Variants in CALN1 observed in about 807,000 individuals in gnomAD.
The protein encoded by CALN1 is calneuron 1.
CALN1 carries 17 observed loss-of-function variants against 30.6 expected under a neutral mutation model. The ratio of observed to expected loss-of-function variants is 0.56; its 90% CI spans 0.38 to 0.83. CALN1 has a LOEUF of 0.83. Among genes scored for constraint, CALN1 ranks in the 40% least tolerant of loss-of-function variants. The pLI is 0.00. For synonymous variants in CALN1, 156 were observed against 131.4 expected, an observed-to-expected ratio of 1.19 and a Z score of -1.28; for missense variants, 291 against 354.9, an observed-to-expected ratio of 0.82 and a Z score of 1.45.
rs150253191 is a variant in CALN1, at chr7:71,784,891, C to A, written c.*2884G>T. ...AGCTTCATAGCCACCATGATGGGGA[C>A]ACTGACTGGCATGGGGCCCTAGCAT... On this transcript the variant is annotated 3_prime_UTR_variant, in exon 7 of 7. Coordinates refer to ENST00000395275, the MANE Select transcript of CALN1 (RefSeq NM_031468.4). 789 of 398,712 alleles carry A rather than the reference C, an allele frequency of 2.0e-3. 1 individual carries two copies. The highest frequency in any genetic ancestry group is 1.4e-3 in the Non-Finnish European group (312 of 226,164). 24.7% of individuals were successfully genotyped at this position (398,712 alleles called of 1,614,324 possible).
At chr7:72,426,056 T>G (rs1807791477) in intron 1 of CALN1, among the ~76,000 whole-genome samples, 1 of 152,238 alleles carries the variant, frequency 6.6e-6, no homozygotes, top group Non-Finnish European at 1.5e-5. Context: ...TGCTGGCACC[T>G]AGGCTTAGGC....
chr7:72,087,648 T>A (rs1037067765), intron 4 of CALN1, among the ~76,000 whole-genome samples: 1 of 152,026 alleles, frequency 6.6e-6, no homozygotes, highest in East Asian at 1.9e-4. Context: ...GACTACTCAC[T>A]GGAAAACCTC....
intron 2 of CALN1, among the ~76,000 whole-genome samples, chr7:72,345,411 A>AG (rs1482728808): frequency 1.5e-3 from 5 of 3,446 alleles, no homozygotes; most frequent in Non-Finnish European, 4.2e-3. Flanking sequence ...GGAAAGAAAG[A>AG]AGAGAAAGGA....
chr7:72,304,404 G>T (rs1267415300), intron 2 of CALN1, among the ~76,000 whole-genome samples: 1 of 152,068 alleles, frequency 6.6e-6, no homozygotes, highest in Non-Finnish European at 1.5e-5. Flanking sequence ...AGGTGTTCGG[G>T]GGCCAGGAAG....
intron 5 of CALN1, among the ~76,000 whole-genome samples, chr7:71,991,866 G>C (rs1032018734): frequency 6.6e-6 from 1 of 152,074 alleles, no homozygotes; most frequent in Admixed American, 6.6e-5. Flanking sequence ...TGATAATAAT[G>C]AGTTGTAAAA....
At chr7:71,904,999 C>T (rs542725991) in intron 5 of CALN1, among the ~76,000 whole-genome samples, 11 of 152,150 alleles carry the variant, frequency 7.2e-5, no homozygotes, top group Admixed American at 4.6e-4. Flanking sequence ...AGTGCAGTGG[C>T]GTGATCTCAG....
intron 3 of CALN1, among the ~76,000 whole-genome samples, chr7:72,107,004 T>G (rs571133582): frequency 5.5e-5 from 7 of 127,874 alleles, no homozygotes; most frequent in South Asian, 2.5e-4. Flanking sequence ...GAAAGAAAAA[T>G]AGAAAGAAAG....
chr7:72,041,407 A>C (rs1400114975), intron 4 of CALN1, among the ~76,000 whole-genome samples: 2 of 151,850 alleles, frequency 1.3e-5, no homozygotes, highest in Non-Finnish European at 2.9e-5. Flanking sequence ...TTTTTGAGAC[A>C]GCATCTGGCT....
rs376885108 is a variant in CALN1 at position 71,994,596 on chromosome 7, A to G, written c.501+29061T>C. Among the ~76,000 whole-genome samples, 6 of 151,908 alleles carry G rather than the reference A, an allele frequency of 3.9e-5. No homozygotes were observed. In the East Asian group the frequency reaches 1.2e-3, roughly 29 times the overall value. ...AGTAATACATGAGATTCGTTGCCTC[A>G]TGCTAAGGAAATTAAGGATACCAAC... On this transcript the variant is annotated intron_variant, in intron 5 of 6. Coordinates refer to ENST00000395275, the MANE Select transcript of CALN1 (RefSeq NM_031468.4).
intron 2 of CALN1, among the ~76,000 whole-genome samples, chr7:72,293,956 G>A (rs1348026875): frequency 6.6e-6 from 1 of 152,034 alleles, no homozygotes; most frequent in East Asian, 1.9e-4. Context: ...AAATTAGCCA[G>A]GCATCATGGT....
At chr7:71,788,734 T>A (rs2115846710) in intron 6 of CALN1, among the ~76,000 whole-genome samples, 1 of 152,110 alleles carries the variant, frequency 6.6e-6, no homozygotes, top group Non-Finnish European at 1.5e-5. Context: ...CTTGGCTCAC[T>A]ACAAGCTCCA....
the CALN1 span, among the ~76,000 whole-genome samples, chr7:72,503,118 C>G: frequency 6.6e-6 from 1 of 151,956 alleles, no homozygotes; most frequent in Non-Finnish European, 1.5e-5. Flanking sequence ...TGCACTCCAG[C>G]CTGGGCGACA....
chr7:71,837,731 A>C (rs1008142463), intron 5 of CALN1, among the ~76,000 whole-genome samples: 2 of 152,206 alleles, frequency 1.3e-5, no homozygotes, highest in Non-Finnish European at 2.9e-5. Flanking sequence ...GTTTCTGAGA[A>C]CTGAAACCAT....
rs1286894513 is a variant in CALN1, at chr7:72,397,710, T to TCACACACACACACACA, written c.119+5540_119+5541insTGTGTGTGTGTGTGTG. Among the ~76,000 whole-genome samples the TCACACACACACACACA allele has an allele frequency of 2.6e-3, 147 of 57,314 alleles. 1 individual carries two copies. The highest frequency in any genetic ancestry group is 7.7e-3 in the Admixed American group (40 of 5,194). 37.6% of individuals were successfully genotyped at this position (57,314 alleles called of 152,430 possible). On this transcript the variant is annotated intron_variant, in intron 2 of 6. Coordinates refer to ENST00000395275, the MANE Select transcript of CALN1 (RefSeq NM_031468.4). ...GGGGGATCTTGGAGAGCACCCATTC[T>TCACACACACACACACA]CTCTCACACACACACACACACACAC...
rs144599326 is a variant in CALN1, at chr7:72,432,877, C to T, written c.-226+14165G>A. Among the ~76,000 whole-genome samples, 913 of 152,234 alleles carry T rather than the reference C, an allele frequency of 6.0e-3. 4 individuals carry two copies. Among genetic ancestry groups the T allele is most frequent in the East Asian group, 0.017 (86 of 5,182 alleles). On this transcript the variant is annotated intron_variant, in intron 1 of 6. Coordinates refer to the CALN1 transcript ENST00000395276. ...AAATCGATCTGCCTCGGCAAAAAGA[C>T]GGTGCTAGTAAACTAACTAGATTTC...
At chr7:72,068,633 G>A (rs1193379819) in intron 4 of CALN1, among the ~76,000 whole-genome samples, 1 of 152,154 alleles carries the variant, frequency 6.6e-6, no homozygotes, top group Middle Eastern at 3.4e-3. Context: ...GATAACAGAC[G>A]CCCGCCACCA....
chr7:72,336,695 G>T (rs1012312543), intron 2 of CALN1: 18 of 985,326 alleles, frequency 1.8e-5, no homozygotes, highest in Non-Finnish European at 2.2e-5. Context: ...AGCCGGCGGC[G>T]GCACTCACCT....
intron 5 of CALN1, among the ~76,000 whole-genome samples, chr7:71,886,976 T>C (rs1792948045): frequency 6.6e-6 from 1 of 151,438 alleles, no homozygotes; most frequent in African/African-American, 2.4e-5. Context: ...GGGGAGAGAG[T>C]GCCTACCTTA....
intron 3 of CALN1, among the ~76,000 whole-genome samples, chr7:72,173,889 G>C (rs1374437294): frequency 2.1e-5 from 3 of 140,504 alleles, no homozygotes; most frequent in African/African-American, 2.5e-5. Context: ...AGATTATCTA[G>C]ATAGCACACA....
Sources: allele counts gnomAD v4.1 joint callset (sites outside exome capture counted in the v4.1 genomes callset), GRCh38; gene constraint gnomAD v4.1.1; transcripts MANE v1.5; gene names NCBI Gene and HGNC (gene_info 2026-07-23, HGNC 2026-07-21).